EIF2S1: variants seen among roughly 807,000 people sequenced by gnomAD.
EIF2S1 encodes eukaryotic translation initiation factor 2 subunit alpha.
Under a neutral mutation model 33.5 loss-of-function variants are expected in EIF2S1, and 5 were observed. The observed-to-expected ratio is 0.15, with a 90% CI of 0.08 to 0.31. The LOEUF (loss-of-function observed/expected upper bound fraction) is 0.31, where lower values mean the gene tolerates loss of function less well. EIF2S1 is among the 10% of genes least tolerant of loss of function. The pLI, the probability that EIF2S1 is intolerant of heterozygous loss-of-function variation, is 1.00. For missense variants in EIF2S1, 191 were observed against 384.6 expected (o/e 0.50, Z 4.21); for synonymous variants, 99 against 127.5 (o/e 0.78, Z 1.51).
At chr14:67,365,212 G>A (rs1056958173) in intron 2 of EIF2S1, among the ~76,000 whole-genome samples, 1 of 152,150 alleles carries the variant, frequency 6.6e-6, no homozygotes. Flanking sequence ...GTACATCCTA[G>A]GATTTTATGG....
rs1239062310 is a variant in EIF2S1, at chr14:67,386,033, C to T, written c.*2593C>T. The T allele has an allele frequency of 6.6e-6, 1 of 152,230 alleles. No homozygotes were observed. The highest frequency in any genetic ancestry group is 6.5e-5 in the Admixed American group (1 of 15,270). 9.4% of individuals were successfully genotyped at this position (152,230 alleles called of 1,614,324 possible). ...CCAACCCCAAGGTAATGGTCATCTA[C>T]TTTGCAACCTATGGAGATCCTGATA... On this transcript the variant is annotated 3_prime_UTR_variant, in exon 8 of 8. Coordinates refer to ENST00000256383, the MANE Select transcript of EIF2S1 (RefSeq NM_004094.5).
intron 7 of EIF2S1, among the ~76,000 whole-genome samples, chr14:67,383,061 T>C (rs1158201360): frequency 6.6e-6 from 1 of 152,118 alleles, no homozygotes; most frequent in African/African-American, 2.4e-5. Context: ...ATGTTTTCAG[T>C]TTTAGCTTAT....
At position 67,369,535 on chromosome 14, in the gene EIF2S1, G is replaced by T. The variant is rs142450448; in HGVS notation, c.241+4527G>T. 5.3e-3 allele frequency among the ~76,000 whole-genome samples: 813 copies of T among 152,268 alleles called. 8 individuals are homozygous for T. The highest frequency in any genetic ancestry group is 0.018 in the African/African-American group (731 of 41,558). ...CAAAATACACATTATTTTCAAGTGT[G>T]CATGACATTCACCAAGATAGACAAT... On this transcript the variant is annotated intron_variant, in intron 2 of 7. Coordinates refer to ENST00000256383, the MANE Select transcript of EIF2S1 (RefSeq NM_004094.5).
At chr14:67,382,722 G>A (rs998718797) in intron 7 of EIF2S1, 132 bp downstream of exon 7, 7 of 1,009,652 alleles carry the variant, frequency 6.9e-6, no homozygotes, top group Non-Finnish European at 1.1e-5. Context: ...ATCACTAATG[G>A]TGTTAGGGTC....
At chr14:67,369,072 G>A (rs2085800899) in intron 2 of EIF2S1, among the ~76,000 whole-genome samples, 1 of 152,124 alleles carries the variant, frequency 6.6e-6, no homozygotes, top group Non-Finnish European at 1.5e-5. Flanking sequence ...TGTAAATCAA[G>A]TAAATATTCC....
intron 4 of EIF2S1, 134 bp downstream of exon 4, chr14:67,376,724 C>A: frequency 1.2e-6 from 1 of 840,432 alleles, no homozygotes; most frequent in Non-Finnish European, 1.8e-6. Context: ...AGTAAATGGG[C>A]CAATCCTATA....
Position 67,383,810 on chromosome 14 carries a change from C to A in EIF2S1, c.*370C>A, listed in dbSNP as rs2085903423. 3.6e-6 allele frequency: 1 copy of A among 279,292 alleles called. No homozygotes were observed. The highest frequency in any genetic ancestry group is 7.1e-6 in the Non-Finnish European group (1 of 141,704). The allele number at this position is 279,292 out of a possible 1,614,324, so 17.3% of individuals were successfully genotyped here. The stretch of plus-strand genomic sequence containing the variant: ...TCCAAGGCAAACAATCCCAATCTTT[C>A]TATATAAAATGTATTCAAGCAAACA... On this transcript the variant is annotated 3_prime_UTR_variant, in exon 8 of 8. Transcript: ENST00000256383.
intron 2 of EIF2S1, among the ~76,000 whole-genome samples, chr14:67,371,720 C>T (rs2085822952): frequency 6.6e-6 from 1 of 152,178 alleles, no homozygotes; most frequent in Non-Finnish European, 1.5e-5. Flanking sequence ...CTTAACAGCA[C>T]TGCTGCTATA....
chr14:67,369,020 C>A (rs964640649), intron 2 of EIF2S1, among the ~76,000 whole-genome samples: 17 of 152,234 alleles, frequency 1.1e-4, no homozygotes, highest in Admixed American at 4.6e-4. Context: ...TTCAATTATT[C>A]AGTTATTGAT....
intron 6 of EIF2S1, 131 bp from the exon 7 acceptor site, chr14:67,382,316 T>G: frequency 1.4e-6 from 1 of 711,028 alleles, no homozygotes; most frequent in Non-Finnish European, 2.2e-6. Context: ...CCTAAATTAC[T>G]GTCCTGTAGA....
intron 2 of EIF2S1, among the ~76,000 whole-genome samples, chr14:67,373,309 A>T (rs1309655553): frequency 4.6e-5 from 7 of 152,192 alleles, no homozygotes; most frequent in Non-Finnish European, 1.0e-4. Flanking sequence ...AAAGTGGTGA[A>T]TTTTACTATA....
At chr14:67,366,280 G>T (rs775172172) in intron 2 of EIF2S1, among the ~76,000 whole-genome samples, 2 of 152,018 alleles carry the variant, frequency 1.3e-5, no homozygotes, top group Non-Finnish European at 2.9e-5. Flanking sequence ...TTGCTGTGTT[G>T]CCCAGGCTAG....
chr14:67,380,942 A>T (rs1475299111), intron 5 of EIF2S1, among the ~76,000 whole-genome samples, 177 bp downstream of exon 5: 1 of 152,212 alleles, frequency 6.6e-6, no homozygotes, highest in Non-Finnish European at 1.5e-5. Flanking sequence ...TAAAATTTAT[A>T]TATTGACACA....
rs2085858408 is a variant in EIF2S1 at position 67,376,469 on chromosome 14, G to A, written c.352G>A (p.Val118Met). 2 of 1,613,748 alleles carry A rather than the reference G, an allele frequency of 1.2e-6. No homozygotes were observed. The highest frequency in any genetic ancestry group is 1.7e-6 in the Non-Finnish European group (2 of 1,179,800). The stretch of plus-strand genomic sequence containing the variant: ...TAGCATTCTTCGTCATGTTGCTGAG[G>A]TGTTAGAATACACCAAGGATGAGCA... ...VYSILRHVAE[V>M]LEYTKDEQLE... Residue 118 changes from valine (V) to methionine (M), a missense_variant, in exon 4 of 8, where the codon GTG becomes ATG. Val to Met is a conservative substitution (Grantham distance 21). Transcript: ENST00000256383.
chr14:67,364,077 A>G (rs1389285006), intron 1 of EIF2S1: 2 of 152,222 alleles, frequency 1.3e-5, no homozygotes, highest in African/African-American at 4.8e-5. Context: ...GATTAAAGCT[A>G]TTCTCAAGAT....
chr14:67,363,012 A>C (rs1316652159), intron 1 of EIF2S1, among the ~76,000 whole-genome samples: 2 of 152,202 alleles, frequency 1.3e-5, no homozygotes, highest in African/African-American at 2.4e-5. Context: ...CATCAAATTA[A>C]GCCTTGCTTC....
rs927924819 is a variant in EIF2S1, at chr14:67,383,662, C to T, written c.*222C>T. The T allele has an allele frequency of 1.4e-5, 7 of 490,064 alleles. 1 individual carries two copies. Among genetic ancestry groups the T allele is most frequent in the Admixed American group, 3.1e-5 (1 of 32,692 alleles). 30.4% of individuals were successfully genotyped at this position (490,064 alleles called of 1,614,324 possible). The stretch of plus-strand genomic sequence containing the variant: ...CTTTGAGCATTTTTAAGGGAGTGGC[C>T]TCATTTCACTAGAGACAAATCTTTA... On this transcript the variant is annotated 3_prime_UTR_variant, in exon 8 of 8. Coordinates refer to ENST00000256383, the MANE Select transcript of EIF2S1 (RefSeq NM_004094.5).
chr14:67,360,532 G>C (rs1384153789), intron 1 of EIF2S1, 76 bp downstream of exon 1: 1 of 264,420 alleles, frequency 3.8e-6, no homozygotes, highest in Non-Finnish European at 7.1e-6. Context: ...TCGAGAGCGG[G>C]TAGGCCCCGG....
At chr14:67,381,330 A>G (rs1335808199) in intron 5 of EIF2S1, among the ~76,000 whole-genome samples, 1 of 152,228 alleles carries the variant, frequency 6.6e-6, no homozygotes, top group Admixed American at 6.5e-5. Context: ...ATGTTCTTCA[A>G]GACAAATTCC....
Sources: allele counts gnomAD v4.1 joint callset (sites outside exome capture counted in the v4.1 genomes callset), GRCh38; gene constraint gnomAD v4.1.1; transcripts MANE v1.5; gene names NCBI Gene and HGNC (gene_info 2026-07-23, HGNC 2026-07-21).